The following PTPRD variants were observed in gnomAD, a reference collection of about 807,000 sequenced individuals.
PTPRD encodes the protein protein tyrosine phosphatase receptor type D.
A neutral mutation model predicts 214.5 loss-of-function variants in PTPRD; 34 were observed. That is an observed-to-expected ratio of 0.16 (90% confidence interval 0.12 to 0.21). The LOEUF (loss-of-function observed/expected upper bound fraction) is 0.21. Ranked by LOEUF, PTPRD falls within the 10% of genes least tolerant of loss-of-function variation. PTPRD has a pLI of 1.00. For synonymous variants in PTPRD, 1,128 were observed against 845.7 expected (o/e 1.33, Z -5.79); for missense variants, 2,545 against 2,398.7 (o/e 1.06, Z -1.27).
rs566672915 is a variant in PTPRD at position 9,908,457 on chromosome 9, T to G, written c.-368+30050A>C. 3.9e-5 allele frequency among the ~76,000 whole-genome samples: 6 copies of G among 152,120 alleles called. No homozygotes were observed. In the East Asian group the frequency reaches 1.2e-3, roughly 29 times the overall value. On this transcript the variant is annotated intron_variant, in intron 5 of 45. Coordinates refer to ENST00000381196, the MANE Select transcript of PTPRD (RefSeq NM_002839.4). ...CACCTTGTTAAGGACATTTTCACTG[T>G]AGGACTCAAAGGAAACAGAATTGTA...
chr9:9,523,476 G>A (rs1482407731), intron 8 of PTPRD, among the ~76,000 whole-genome samples: 1 of 152,142 alleles, frequency 6.6e-6, no homozygotes, highest in African/African-American at 2.4e-5. Flanking sequence ...TTGGATTATA[G>A]TGTGTTTAAT....
chr9:9,349,043 T>C (rs2050064512), intron 9 of PTPRD, among the ~76,000 whole-genome samples: 1 of 152,148 alleles, frequency 6.6e-6, no homozygotes, highest in South Asian at 2.1e-4. Flanking sequence ...CAATTACTAT[T>C]ACAGTGGCGG....
chr9:10,272,432 G>C lies in PTPRD; in HGVS notation c.-545+68531C>G, dbSNP rs140711458. Among the ~76,000 whole-genome samples, 15 of 152,216 alleles carry C rather than the reference G, an allele frequency of 9.9e-5. No individual in the cohort carries two copies. In the East Asian group the frequency reaches 2.9e-3, roughly 29 times the overall value. The stretch of plus-strand genomic sequence containing the variant: ...ACATTTACGTACAAATTTTGGGGTG[G>C]ACATATGTGTTCATTTTTCTTGGAT... On this transcript the variant is annotated intron_variant, in intron 3 of 45. Coordinates refer to ENST00000381196, the MANE Select transcript of PTPRD (RefSeq NM_002839.4).
Position 10,060,935 on chromosome 9 carries a change from T to C in PTPRD, c.-544-27145A>G, listed in dbSNP as rs10958860. ...TTCTTTCTTTCTTTCTTTCTTTCTTTCTTTCTTTCTTTCTTTCTCTCTCTT... is the reference window on the plus strand; with the variant it reads ...TTCTTTCTTTCTTTCTTTCTTTCTTCCTTTCTTTCTTTCTTTCTCTCTCTT... On this transcript the variant is annotated intron_variant, in intron 3 of 45. Transcript: ENST00000381196. Among the ~76,000 whole-genome samples, 23 of 102,496 alleles carry C rather than the reference T, an allele frequency of 2.2e-4. No individual in the cohort carries two copies. The African/African-American group carries it at 3.1e-3, about 14-fold the overall frequency. 67.2% of individuals were successfully genotyped at this position (102,496 alleles called of 152,430 possible). A position where few individuals can be genotyped will look rare whatever the true frequency, so the allele number is the denominator to read the frequency against.
chr9:9,849,791 C>A (rs2060202766), intron 5 of PTPRD, among the ~76,000 whole-genome samples: 1 of 152,070 alleles, frequency 6.6e-6, no homozygotes, highest in South Asian at 2.1e-4. Context: ...ACCAGAAAGC[C>A]TCTAAGAATC....
In PTPRD at chr9:8,526,703, A is replaced by G. The variant is rs1009574463; in HGVS notation, c.551-59T>C. 14 of 1,439,526 alleles carry G rather than the reference A, an allele frequency of 9.7e-6. 1 individual carries two copies. Among genetic ancestry groups the G allele is most frequent in the South Asian group, 9.1e-5 (7 of 76,706 alleles). 89.2% of individuals were successfully genotyped at this position (1,439,526 alleles called of 1,614,324 possible). A position where few individuals can be genotyped will look rare whatever the true frequency, so the allele number is the denominator to read the frequency against. ...AAAGAAGAAGCATTAGTACGAGAAG[A>G]AGGAGGCTAGGGCTGGGGAGAAGAA... On this transcript the variant is annotated intron_variant, in intron 16 of 45. Coordinates refer to ENST00000381196, the MANE Select transcript of PTPRD (RefSeq NM_002839.4).
intron 10 of PTPRD, among the ~76,000 whole-genome samples, chr9:9,075,183 A>G (rs1412994215): frequency 6.6e-6 from 1 of 152,050 alleles, no homozygotes; most frequent in Non-Finnish European, 1.5e-5. Flanking sequence ...TAGTAGGTGT[A>G]TATATTTTTA....
intron 3 of PTPRD, among the ~76,000 whole-genome samples, chr9:10,253,852 A>G (rs4143458): frequency 0.58 from 88,667 of 152,086 alleles, 27,748 homozygotes; most frequent in East Asian, 0.73. Context: ...GTAGTTCTTC[A>G]TCAGGAAAGA....
chr9:9,003,004 T>G (rs2099429925), intron 11 of PTPRD, among the ~76,000 whole-genome samples: 1 of 152,068 alleles, frequency 6.6e-6, no homozygotes, highest in Admixed American at 6.6e-5. Flanking sequence ...CGTAGAAGTA[T>G]TTAACCCAAA....
At chr9:9,523,116 T>A (rs949142254) in intron 8 of PTPRD, among the ~76,000 whole-genome samples, 4 of 152,168 alleles carry the variant, frequency 2.6e-5, no homozygotes, top group African/African-American at 9.7e-5. Context: ...ATAGGCAAAG[T>A]CCAGAAACAT....
intron 11 of PTPRD, among the ~76,000 whole-genome samples, chr9:8,772,476 C>G (rs2095273961): frequency 6.6e-6 from 1 of 151,478 alleles, no homozygotes. Flanking sequence ...TAGTGAGACC[C>G]CATCTCTACA....
chr9:9,531,144 C>G (rs971044092), intron 8 of PTPRD, among the ~76,000 whole-genome samples: 1 of 152,132 alleles, frequency 6.6e-6, no homozygotes, highest in Non-Finnish European at 1.5e-5. Context: ...TCATATGTAC[C>G]CCCAAAATGT....
intron 8 of PTPRD, among the ~76,000 whole-genome samples, chr9:9,541,414 G>C (rs1021526684): frequency 6.6e-6 from 1 of 151,786 alleles, no homozygotes; most frequent in African/African-American, 2.4e-5. Flanking sequence ...AAATAGGAGA[G>C]ACGCCATCTT....
intron 10 of PTPRD, among the ~76,000 whole-genome samples, chr9:9,096,857 G>A (rs781412755): frequency 2.0e-5 from 3 of 152,206 alleles, no homozygotes; most frequent in Non-Finnish European, 2.9e-5. Flanking sequence ...TGTCAGGGAT[G>A]CCTTCACTGT....
chr9:9,837,649 C>T (rs1371961641), intron 5 of PTPRD, among the ~76,000 whole-genome samples: 1 of 152,028 alleles, frequency 6.6e-6, no homozygotes, highest in Admixed American at 6.6e-5. Flanking sequence ...TGTCAAAGGC[C>T]CTGCAGTGTC....
intron 7 of PTPRD, among the ~76,000 whole-genome samples, chr9:9,708,870 C>G (rs1303540621): frequency 6.6e-6 from 1 of 151,918 alleles, no homozygotes; most frequent in Non-Finnish European, 1.5e-5. Context: ...TTAAAAAACA[C>G]AATTTTTAAA....
At chr9:9,929,867 T>C (rs1321540513) in intron 5 of PTPRD, among the ~76,000 whole-genome samples, 1 of 152,202 alleles carries the variant, frequency 6.6e-6, no homozygotes, top group South Asian at 2.1e-4. Flanking sequence ...TATTTTGAAA[T>C]TACAGCTGGT....
rs2096368920 is a variant in PTPRD at position 8,460,584 on chromosome 9, A to G, written c.3715-13T>C. 1 of 1,608,846 alleles carries G rather than the reference A, an allele frequency of 6.2e-7. No individual in the cohort carries two copies. The highest frequency in any genetic ancestry group is 1.7e-5 in the Admixed American group (1 of 58,844). ...TTGCATACATCTTCTGAGGAAAAGC[A>G]GAGTCTATTTCAGTTATAAAATAAT... On this transcript the variant is annotated splice_polypyrimidine_tract_variant and intron_variant, in intron 32 of 45. Coordinates refer to ENST00000381196, the MANE Select transcript of PTPRD (RefSeq NM_002839.4).
At chr9:10,377,056 T>C (rs999687631) in intron 2 of PTPRD, among the ~76,000 whole-genome samples, 1 of 151,796 alleles carries the variant, frequency 6.6e-6, no homozygotes, top group Non-Finnish European at 1.5e-5. Flanking sequence ...CCACCCTCTA[T>C]TACCCTTTCC....
Sources: gnomAD v4.1 joint callset for allele counts (sites outside exome capture counted in the v4.1 genomes callset) on GRCh38, gnomAD v4.1.1 for gene constraint, MANE v1.5 for transcripts, NCBI Gene and HGNC (gene_info 2026-07-23, HGNC 2026-07-21) for gene names.